ANKRD45: variants seen among roughly 807,000 people sequenced by gnomAD.
ANKRD45 encodes the protein ankyrin repeat domain-containing protein 45.
ANKRD45 carries 21 observed loss-of-function variants against 28.1 expected under a neutral mutation model. The observed-to-expected ratio is 0.75, with a 90% confidence interval of 0.53 to 1.08. The LOEUF (loss-of-function observed/expected upper bound fraction) is 1.08, where lower values mean the gene tolerates loss of function less well. Ranked by LOEUF, ANKRD45 falls within the 50% of genes least tolerant of loss-of-function variation. The pLI is 0.00. For synonymous variants in ANKRD45, 86 were observed against 103.9 expected, an observed-to-expected ratio of 0.83 and a Z score of 1.05; for missense variants, 261 against 308.7, an observed-to-expected ratio of 0.85 and a Z score of 1.16.
intron 4 of ANKRD45, among the ~76,000 whole-genome samples, chr1:173,625,291 C>CTTTTTTTTTTTT: frequency 6.6e-6 from 1 of 151,946 alleles, no homozygotes; most frequent in Non-Finnish European, 1.5e-5. Flanking sequence ...CTCCCTAATT[C>CTTTTTTTTTTTT]TTTATTTTTG....
rs374352689 is a variant in ANKRD45 at position 173,624,839 on chromosome 1, T to C, written c.678A>G (p.Arg226=). Residue 226 remains arginine (R), a synonymous_variant, in exon 5 of 6, where the codon AGA becomes AGG. Coordinates refer to ENST00000333279, the MANE Select transcript of ANKRD45 (RefSeq NM_198493.3). ...GAGTCACAATATCTTCCAGTTGTTG[T>C]CTCTGCTCAAAAAGCTCATTAATGG... is the stretch of plus-strand genomic sequence containing the variant. ...EASINELFEQ[R]QQLEDIVTPI... The C allele has an allele frequency of 2.5e-5, 41 of 1,613,744 alleles. 1 individual carries two copies. The African/African-American group carries it at 5.2e-4, about 20-fold the overall frequency.
the ANKRD45 span, among the ~76,000 whole-genome samples, chr1:173,698,607 T>G: frequency 1.4e-5 from 2 of 147,168 alleles, no homozygotes; most frequent in African/African-American, 4.9e-5. Context: ...AATAAAGATG[T>G]TCTTTGAAAC....
upstream of ANKRD45, among the ~76,000 whole-genome samples, chr1:173,670,055 A>G (rs1670203530): frequency 6.6e-6 from 1 of 152,252 alleles, no homozygotes; most frequent in African/African-American, 2.4e-5. Context: ...CAGTTTAAAA[A>G]TAAGTTGTGC....
At chr1:173,679,005 C>G in the ANKRD45 span, among the ~76,000 whole-genome samples, 1 of 152,092 alleles carries the variant, frequency 6.6e-6, no homozygotes, top group Non-Finnish European at 1.5e-5. Flanking sequence ...TGTGAAGGAC[C>G]TCTTCAAGGA....
intron 1 of ANKRD45, among the ~76,000 whole-genome samples, chr1:173,666,358 T>C (rs953452858): frequency 6.6e-6 from 1 of 152,200 alleles, no homozygotes; most frequent in Non-Finnish European, 1.5e-5. Flanking sequence ...AATTATTCTA[T>C]ATTTATTCAT....
chr1:173,610,133 C>T lies in ANKRD45; in HGVS notation c.*12G>A, dbSNP rs1667077969. ...TACTAAAAGAAAATGTGGCCTTTTACAGAACGTATGTTCAGTTGGAGGTAT... is the reference window on the plus strand; with the variant it reads ...TACTAAAAGAAAATGTGGCCTTTTATAGAACGTATGTTCAGTTGGAGGTAT... On this transcript the variant is annotated 3_prime_UTR_variant, in exon 6 of 6. Transcript: ENST00000333279. 1 of 1,612,336 alleles carries T rather than the reference C, an allele frequency of 6.2e-7. No homozygotes were observed. Among genetic ancestry groups the T allele is most frequent in the Middle Eastern group, 1.7e-4 (1 of 6,050 alleles).
chr1:173,645,392 C>T (rs1377291877), intron 3 of ANKRD45, among the ~76,000 whole-genome samples: 5 of 152,148 alleles, frequency 3.3e-5, no homozygotes, highest in Non-Finnish European at 7.3e-5. Flanking sequence ...AACACCTTAG[C>T]CTGGCATTTA....
At chr1:173,619,700 C>T (rs1667619692) in intron 5 of ANKRD45, among the ~76,000 whole-genome samples, 1 of 151,906 alleles carries the variant, frequency 6.6e-6, no homozygotes, top group East Asian at 1.9e-4. Flanking sequence ...TGGAAGTGGG[C>T]ACCTGTAATC....
the ANKRD45 span, among the ~76,000 whole-genome samples, chr1:173,702,052 G>A: frequency 3.3e-5 from 5 of 152,234 alleles, no homozygotes; most frequent in African/African-American, 9.6e-5. Context: ...TGGTGAACAC[G>A]TAAGTGTTTG....
At chr1:173,662,951 T>C (rs558353777) in intron 1 of ANKRD45, among the ~76,000 whole-genome samples, 17 of 152,022 alleles carry the variant, frequency 1.1e-4, no homozygotes, top group Non-Finnish European at 2.2e-4. Flanking sequence ...TTGGTGCATG[T>C]CTTGTATTTG....
chr1:173,628,513 G>A (rs1485850118), intron 3 of ANKRD45, among the ~76,000 whole-genome samples: 1 of 152,120 alleles, frequency 6.6e-6, no homozygotes, highest in African/African-American at 2.4e-5. Context: ...CTGTGGGCCT[G>A]GGCAGTGGTG....
the ANKRD45 span, among the ~76,000 whole-genome samples, chr1:173,678,913 C>T: frequency 3.9e-5 from 6 of 152,068 alleles, no homozygotes; most frequent in Admixed American, 1.3e-4. Flanking sequence ...ACATCAATAA[C>T]AGAGAGCCAA....
At chr1:173,623,942 T>G (rs1253526240) in intron 5 of ANKRD45, among the ~76,000 whole-genome samples, 1 of 105,194 alleles carries the variant, frequency 9.5e-6, no homozygotes, top group African/African-American at 3.7e-5. Context: ...GGGAACAACA[T>G]ACACTGTGGG....
At chr1:173,706,227 G>A in the ANKRD45 span, among the ~76,000 whole-genome samples, 1 of 150,852 alleles carries the variant, frequency 6.6e-6, no homozygotes, top group Middle Eastern at 3.2e-3. Context: ...GCTTGAACCT[G>A]GGTGGTGGAG....
chr1:173,647,666 T>C (rs1206238041), intron 2 of ANKRD45, among the ~76,000 whole-genome samples: 2 of 152,194 alleles, frequency 1.3e-5, no homozygotes, highest in African/African-American at 4.8e-5. Context: ...AGGATATACA[T>C]ACTTCTTTTT....
At chr1:173,642,747 C>T (rs979441999) in intron 3 of ANKRD45, among the ~76,000 whole-genome samples, 1 of 152,180 alleles carries the variant, frequency 6.6e-6, no homozygotes, top group Non-Finnish European at 1.5e-5. Flanking sequence ...AGGTTAATTC[C>T]TCTCTTCCTT....
intron 5 of ANKRD45, among the ~76,000 whole-genome samples, chr1:173,618,628 T>A (rs1427156160): frequency 4.6e-5 from 7 of 152,082 alleles, no homozygotes; most frequent in African/African-American, 2.4e-5. Context: ...CTGAGAAATA[T>A]GGGACTACGT....
chr1:173,711,139 ATAAGG>A, the ANKRD45 span, among the ~76,000 whole-genome samples: 3 of 152,248 alleles, frequency 2.0e-5, no homozygotes, highest in Non-Finnish European at 4.4e-5. Context: ...TTGAAAAACT[ATAAGG>A]TAAGCTCAGC....
the ANKRD45 span, among the ~76,000 whole-genome samples, chr1:173,696,345 AT>A: frequency 1.1e-4 from 16 of 152,172 alleles, no homozygotes; most frequent in African/African-American, 3.9e-4. Context: ...GTCATAAATT[AT>A]TTGCCAAGGC....
Sources: allele counts gnomAD v4.1 joint callset (sites outside exome capture counted in the v4.1 genomes callset), GRCh38; gene constraint gnomAD v4.1.1; transcripts MANE v1.5; gene names NCBI Gene and HGNC (gene_info 2026-07-23, HGNC 2026-07-21).